CD38: variants seen among roughly 807,000 people sequenced by gnomAD.
CD38 encodes CD38 molecule, also known as ADP-ribosyl cyclase/cyclic ADP-ribose hydrolase 1.
A neutral mutation model predicts 36.3 loss-of-function variants in CD38; 31 were observed. That is an observed-to-expected ratio of 0.85 (90% CI 0.64 to 1.15). The LOEUF is 1.15. Ranked by LOEUF, CD38 falls within the 50% of genes most tolerant of loss-of-function variation. The pLI is 0.00. For synonymous variants in CD38, 131 were observed against 135.2 expected, an observed-to-expected ratio of 0.97 and a Z score of 0.22; for missense variants, 380 against 371.9, an observed-to-expected ratio of 1.02 and a Z score of -0.18.
At chr4:15,797,445 G>A (rs892962123) in intron 1 of CD38, among the ~76,000 whole-genome samples, 2 of 152,056 alleles carry the variant, frequency 1.3e-5, no homozygotes, top group South Asian at 2.1e-4. Flanking sequence ...GTCTACTTGC[G>A]CATATGATTT....
At position 15,840,138 on chromosome 4, in the gene CD38, A is replaced by G; in HGVS notation, c.752+20A>G. ...TTCCAGGTATATCTTACTACTTTGT[A>G]CCCAAGTGTTATTTTATGAATCAGT... On this transcript the variant is annotated intron_variant, in intron 6 of 7. Coordinates refer to ENST00000226279, the MANE Select transcript of CD38 (RefSeq NM_001775.4). 1 of 1,511,870 alleles carries G rather than the reference A, an allele frequency of 6.6e-7. No individual in the cohort carries two copies. Among genetic ancestry groups the G allele is most frequent in the East Asian group, 2.3e-5 (1 of 44,398 alleles). 93.7% of individuals were successfully genotyped at this position (1,511,870 alleles called of 1,614,324 possible).
chr4:15,816,756 T>C (rs1010465900), intron 2 of CD38, 116 bp downstream of exon 2: 2 of 1,104,204 alleles, frequency 1.8e-6, no homozygotes, highest in African/African-American at 3.1e-5. Flanking sequence ...CATTATAGTG[T>C]GAGTGTGGTT....
intron 1 of CD38, among the ~76,000 whole-genome samples, chr4:15,780,563 C>CACACAT (rs1437866700): frequency 2.0e-5 from 3 of 149,548 alleles, no homozygotes; most frequent in African/African-American, 7.4e-5. Flanking sequence ...CACACACACA[C>CACACAT]ACACATACAG....
At chr4:15,785,583 T>C (rs886065629) in intron 1 of CD38, among the ~76,000 whole-genome samples, 8 of 152,128 alleles carry the variant, frequency 5.3e-5, no homozygotes, top group Non-Finnish European at 1.0e-4. Context: ...TCTCTGCTTC[T>C]TCCTTTCTTC....
chr4:15,790,912 C>CT (rs1181434910), intron 1 of CD38, among the ~76,000 whole-genome samples: 14 of 150,666 alleles, frequency 9.3e-5, no homozygotes, highest in Admixed American at 8.5e-4. Context: ...GCCGCCCCGT[C>CT]TGAGAGGTGA....
rs1724325901 is a variant in CD38 at position 15,848,930 on chromosome 4, A to G, written c.*328A>G. ...ATCCTTTCTATTGAAAAATCACCACACCAAACCTCTCTTATTAGAACAGGC... is the reference window on the plus strand; with the variant it reads ...ATCCTTTCTATTGAAAAATCACCACGCCAAACCTCTCTTATTAGAACAGGC... On this transcript the variant is annotated 3_prime_UTR_variant, in exon 8 of 8. Coordinates refer to ENST00000226279, the MANE Select transcript of CD38 (RefSeq NM_001775.4). 1 of 188,028 alleles carries G rather than the reference A, an allele frequency of 5.3e-6. No homozygotes were observed. The highest frequency in any genetic ancestry group is 1.1e-5 in the Non-Finnish European group (1 of 91,330). The allele number at this position is 188,028 out of a possible 1,614,324, so 11.6% of individuals were successfully genotyped here. A position where few individuals can be genotyped will look rare whatever the true frequency, so the allele number is the denominator to read the frequency against.
In CD38 at chr4:15,848,653, T is replaced by C. The variant is rs1724319536; in HGVS notation, c.*51T>C. Reference sequence around the variant, plus strand: ...CCTTGACTCCTTGTGGTTTATGTCATCATACATGACTCAGCATACCTGCTG... The same window carrying C: ...CCTTGACTCCTTGTGGTTTATGTCACCATACATGACTCAGCATACCTGCTG... On this transcript the variant is annotated 3_prime_UTR_variant, in exon 8 of 8. Coordinates refer to ENST00000226279, the MANE Select transcript of CD38 (RefSeq NM_001775.4). The C allele has an allele frequency of 1.4e-6, 2 of 1,470,296 alleles. No individual in the cohort carries two copies. Among genetic ancestry groups the C allele is most frequent in the Non-Finnish European group, 1.9e-6 (2 of 1,049,936 alleles). The allele number at this position is 1,470,296 out of a possible 1,614,324, so 91.1% of individuals were successfully genotyped here.
At chr4:15,828,093 C>A (rs1472261880) in intron 3 of CD38, among the ~76,000 whole-genome samples, 1 of 152,180 alleles carries the variant, frequency 6.6e-6, no homozygotes, top group Admixed American at 6.5e-5. Context: ...CAATTCACTG[C>A]AACCTTGACC....
rs1577665881 is a variant in CD38 at position 15,850,199 on chromosome 4, T to G, written c.*1597T>G. The G allele has an allele frequency of 6.6e-6, 1 of 152,344 alleles. No homozygotes were observed. The highest frequency in any genetic ancestry group is 2.1e-4 in the South Asian group (1 of 4,822). 9.4% of individuals were successfully genotyped at this position (152,344 alleles called of 1,614,324 possible). A position where few individuals can be genotyped will look rare whatever the true frequency, so the allele number is the denominator to read the frequency against. On this transcript the variant is annotated 3_prime_UTR_variant, in exon 8 of 8. Coordinates refer to ENST00000226279, the MANE Select transcript of CD38 (RefSeq NM_001775.4). ...CTGTAGTCCCAGCTACTCTGGAGACTGAGGTGGGAGGATTGTTTGAGCTTG... is the reference window on the plus strand; with the variant it reads ...CTGTAGTCCCAGCTACTCTGGAGACGGAGGTGGGAGGATTGTTTGAGCTTG...
intron 4 of CD38, among the ~76,000 whole-genome samples, chr4:15,836,903 A>G (rs1167645007): frequency 1.3e-5 from 2 of 152,206 alleles, no homozygotes; most frequent in Non-Finnish European, 2.9e-5. Context: ...TCAAATGGAA[A>G]TCAAAATATA....
chr4:15,834,302 G>C lies in CD38; in HGVS notation c.585G>C (p.Arg195Ser). ...TATTCTGGAAAACGGTTTCCCGCAG[G>C]GTAAGTACCAAGTAGTGAAATTCTA... ...VSVFWKTVSR[R>S]FAEAACDVVH... The change falls in exon 4 of 8, where the codon AGG (arginine) becomes AGC (serine). Residue 195 changes from arginine (R) to serine (S), a missense_variant and splice_region_variant. Coordinates refer to ENST00000226279, the MANE Select transcript of CD38 (RefSeq NM_001775.4). The C allele has an allele frequency of 6.3e-7, 1 of 1,597,934 alleles. No homozygotes were observed. The highest frequency in any genetic ancestry group is 1.1e-5 in the South Asian group (1 of 90,724).
chr4:15,820,703 C>T (rs1723713864), intron 2 of CD38, among the ~76,000 whole-genome samples: 1 of 151,818 alleles, frequency 6.6e-6, no homozygotes, highest in African/African-American at 2.4e-5. Context: ...TTCTTAGAGA[C>T]CTTCAAAGAG....
At chr4:15,807,592 C>T (rs569694336) in intron 1 of CD38, among the ~76,000 whole-genome samples, 1 of 152,248 alleles carries the variant, frequency 6.6e-6, no homozygotes, top group South Asian at 2.1e-4. Context: ...TCTCCACATA[C>T]AATACAGCCT....
intron 1 of CD38, among the ~76,000 whole-genome samples, chr4:15,792,644 A>G (rs1723029940): frequency 6.6e-6 from 1 of 152,144 alleles, no homozygotes; most frequent in African/African-American, 2.4e-5. Context: ...CCCATTAAAA[A>G]AAAAGTGTAC....
intron 1 of CD38, among the ~76,000 whole-genome samples, chr4:15,801,078 C>A (rs1246713523): frequency 6.6e-6 from 1 of 151,554 alleles, no homozygotes; most frequent in Admixed American, 6.6e-5. Flanking sequence ...AGGGAAGAAC[C>A]AAATAAATGA....
intron 1 of CD38, among the ~76,000 whole-genome samples, chr4:15,811,905 C>A (rs1021402341): frequency 6.6e-6 from 1 of 152,194 alleles, no homozygotes; most frequent in Non-Finnish European, 1.5e-5. Flanking sequence ...AGGGTCTTAA[C>A]ACTGGACATG....
chr4:15,778,783 G>A lies in CD38; in HGVS notation c.233+136G>A, dbSNP rs537870375. 1 of 636,032 alleles carries A rather than the reference G, an allele frequency of 1.6e-6. No individual in the cohort carries two copies. Among genetic ancestry groups the A allele is most frequent in the African/African-American group, 1.9e-5 (1 of 53,690 alleles). The allele number at this position is 636,032 out of a possible 1,614,324, so 39.4% of individuals were successfully genotyped here. ...CCGAGAGCCCGCCGGGTGGTGCTGA[G>A]TAGGGAGTCCCGGGCTCGGGGCTCC... is the stretch of plus-strand genomic sequence containing the variant. On this transcript the variant is annotated intron_variant, in intron 1 of 7. Coordinates refer to ENST00000226279, the MANE Select transcript of CD38 (RefSeq NM_001775.4). The surrounding 1 kb of genome is among the most constrained non-coding windows in gnomAD (Gnocchi z 4.9).
chr4:15,821,618 A>C (rs1723736545), intron 2 of CD38, among the ~76,000 whole-genome samples: 1 of 151,394 alleles, frequency 6.6e-6, no homozygotes, highest in South Asian at 2.1e-4. Context: ...CCCTCCCAAG[A>C]CTGAACCAGG....
intron 1 of CD38, among the ~76,000 whole-genome samples, chr4:15,780,522 ACAC>A (rs1560303791): frequency 9.3e-5 from 4 of 43,052 alleles, no homozygotes; most frequent in African/African-American, 2.9e-4. Flanking sequence ...TCTCTCTCAC[ACAC>A]ACACACACAC....
Sources: allele counts gnomAD v4.1 joint callset (sites outside exome capture counted in the v4.1 genomes callset), GRCh38; gene constraint gnomAD v4.1.1; non-coding constraint Gnocchi (gnomAD v3.1); transcripts MANE v1.5; gene names NCBI Gene and HGNC (gene_info 2026-07-23, HGNC 2026-07-21).